The following METRN variants were observed in gnomAD, a reference collection of about 807,000 sequenced individuals.
METRN encodes meteorin, glial cell differentiation regulator.
METRN carries 17 observed loss-of-function variants against 17.4 expected under a neutral mutation model. That is an observed-to-expected ratio of 0.98 (90% CI 0.67 to 1.46). The LOEUF (loss-of-function observed/expected upper bound fraction) is 1.46. METRN is among the 40% of genes most tolerant of loss of function. The pLI is 0.00. For missense variants in METRN, 489 were observed against 456.2 expected (o/e 1.07, Z -0.65); for synonymous variants, 230 against 210.8 (o/e 1.09, Z -0.79).
In METRN at chr16:715,263, G is replaced by A; in HGVS notation, c.-27G>A. ...CCGGGGCAGCGGTGGTGAGAGCCCC[G>A]ACTCCCCGGACGCCGCCCGCCGTGC... On this transcript the variant is annotated 5_prime_UTR_variant, in exon 1 of 4. Coordinates refer to ENST00000568223, the MANE Select transcript of METRN (RefSeq NM_024042.4). 3 of 1,259,458 alleles carry A rather than the reference G, an allele frequency of 2.4e-6. No individual in the cohort carries two copies. The highest frequency in any genetic ancestry group is 3.8e-5 in the Admixed American group (1 of 26,240). The allele number at this position is 1,259,458 out of a possible 1,614,324, so 78.0% of individuals were successfully genotyped here.
Position 717,246 on chromosome 16 carries a change from C to T in METRN, c.741C>T (p.Gly247=), listed in dbSNP as rs375302696. Residue 247 remains glycine, a synonymous_variant, in exon 4 of 4, where the codon GGC becomes GGT. Transcript: ENST00000568223. ...RTPLRCGVHP[G]PGTFLFMGWS... ...CACTGCGCTGTGGCGTCCACCCGGG[C>T]CCAGGCACCTTCCTCTTCATGGGCT... is the stretch of plus-strand genomic sequence containing the variant. The T allele has an allele frequency of 1.7e-5, 26 of 1,572,616 alleles. 1 individual carries two copies. In the African/African-American group the frequency reaches 3.2e-4, roughly 20 times the overall value.
chr16:715,959 G>A lies in METRN; in HGVS notation c.480G>A (p.Pro160=). ...AGGACGGGCGCCCCGAGCTGCCCCC[G>A]CAGGCCCACGGTCTCGGCGTAGACG... ...LREDGRPELP[P]QAHGLGVDGA... Residue 160 remains proline, a synonymous_variant, in exon 2 of 4, where the codon CCG becomes CCA. Coordinates refer to ENST00000568223, the MANE Select transcript of METRN (RefSeq NM_024042.4). 1 of 1,493,216 alleles carries A rather than the reference G, an allele frequency of 6.7e-7. No individual in the cohort carries two copies. The highest frequency in any genetic ancestry group is 2.8e-5 in the East Asian group (1 of 35,368). 92.5% of individuals were successfully genotyped at this position (1,493,216 alleles called of 1,614,324 possible).
chr16:718,889 A>T lies in METRN; in HGVS notation c.*1502A>T, dbSNP rs2040183049. ...CACTTTTTCATCTTCAGCCCTGACC[A>T]CTCCCTGGGGCCCATAGCCTTACAT... On this transcript the variant is annotated 3_prime_UTR_variant, in exon 4 of 4. Coordinates refer to ENST00000568223, the MANE Select transcript of METRN (RefSeq NM_024042.4). 1 of 151,928 alleles carries T rather than the reference A, an allele frequency of 6.6e-6. No homozygotes were observed. The highest frequency in any genetic ancestry group is 2.4e-5 in the African/African-American group (1 of 41,230). 9.4% of individuals were successfully genotyped at this position (151,928 alleles called of 1,614,324 possible).
In METRN at chr16:715,276, C is replaced by A; in HGVS notation, c.-14C>A. The A allele has an allele frequency of 7.7e-7, 1 of 1,300,022 alleles. No homozygotes were observed. The highest frequency in any genetic ancestry group is 2.0e-5 in the South Asian group (1 of 51,222). The allele number at this position is 1,300,022 out of a possible 1,614,324, so 80.5% of individuals were successfully genotyped here. ...GGTGAGAGCCCCGACTCCCCGGACGCCGCCCGCCGTGCCATGGGGTTCCCG... is the reference window on the plus strand; with the variant it reads ...GGTGAGAGCCCCGACTCCCCGGACGACGCCCGCCGTGCCATGGGGTTCCCG... On this transcript the variant is annotated 5_prime_UTR_variant, in exon 1 of 4. Coordinates refer to ENST00000568223, the MANE Select transcript of METRN (RefSeq NM_024042.4).
At chr16:716,078 A>G (rs66649828) in intron 2 of METRN, 94 bp downstream of exon 2, 362,562 of 1,341,704 alleles carry the variant, frequency 0.27, 59,591 homozygotes, top group African/African-American at 0.61. Context: ...CCACTGCAGA[A>G]GGAAAAAGTG....
Position 717,332 on chromosome 16 carries a change from CCTA to C in METRN, c.829_831del (p.Tyr277del). 1 of 1,492,334 alleles carries C rather than the reference CCTA, an allele frequency of 6.7e-7. No homozygotes were observed. The highest frequency in any genetic ancestry group is 8.9e-7 in the Non-Finnish European group (1 of 1,121,672). 92.4% of individuals were successfully genotyped at this position (1,492,334 alleles called of 1,614,324 possible). ...CCACGATTCCAGGAGTTCCGCCGTG[CCTA>C]CGAGGCTGCCCGTGCTGCCCACCTC... On this transcript the variant is annotated inframe_deletion, in exon 4 of 4. Transcript: ENST00000568223.
At chr16:716,303 G>C in intron 2 of METRN, 1 of 1,387,450 alleles carries the variant, frequency 7.2e-7, no homozygotes, top group Non-Finnish European at 9.3e-7. Context: ...TCCGGCCAAA[G>C]CTGTCCGGGG....
intron 1 of METRN, 36 bp from the exon 2 acceptor site, chr16:715,547 GC>G: frequency 7.7e-7 from 1 of 1,293,122 alleles, no homozygotes; most frequent in South Asian, 2.2e-5. Context: ...GCGGGGACCC[GC>G]CCCCGTCTCA....
intron 2 of METRN, chr16:716,378 G>A: frequency 7.0e-7 from 1 of 1,425,122 alleles, no homozygotes; most frequent in Non-Finnish European, 9.1e-7. Context: ...CCAGTGTGCA[G>A]CCCGGTCACC....
chr16:715,457 C>G, intron 1 of METRN, 64 bp downstream of exon 1: 2 of 1,258,126 alleles, frequency 1.6e-6, no homozygotes, highest in East Asian at 3.2e-5. Context: ...ACCCCCCAGG[C>G]GCCCCTCGGA....
At position 718,299 on chromosome 16, in the gene METRN, C is replaced by T. The variant is rs1371137497; in HGVS notation, c.*912C>T. The T allele has an allele frequency of 6.6e-6, 1 of 152,288 alleles. No homozygotes were observed. The highest frequency in any genetic ancestry group is 2.4e-5 in the African/African-American group (1 of 41,458). 9.4% of individuals were successfully genotyped at this position (152,288 alleles called of 1,614,324 possible). On this transcript the variant is annotated 3_prime_UTR_variant, in exon 4 of 4. Transcript: ENST00000568223. ...GTGGGGGTGTTCCAGGACACCTGGC[C>T]CTGTGTGAGCTGCCTCCTCTCACCC...
intron 2 of METRN, chr16:716,285 T>C: frequency 7.3e-7 from 1 of 1,377,272 alleles, no homozygotes; most frequent in Non-Finnish European, 9.3e-7. Flanking sequence ...GGGGACAGAA[T>C]CGAAGCCTCC....
chr16:715,819 G>A lies in METRN; in HGVS notation c.340G>A (p.Ala114Thr), dbSNP rs2040156455. Residue 114 changes from alanine to threonine, a missense_variant, in exon 2 of 4, where the codon GCA becomes ACA. Transcript: ENST00000568223. ...ELLLAEGPGP[A>T]GGRCVRWGPR... ...GCTGCTGGCCGAGGGCCCGGGCCCG[G>A]CAGGGGGCCGCTGCGTGCGCTGGGG... The A allele has an allele frequency of 2.4e-6, 3 of 1,269,754 alleles. No individual in the cohort carries two copies. The highest frequency in any genetic ancestry group is 9.9e-7 in the Non-Finnish European group (1 of 1,010,784). 78.7% of individuals were successfully genotyped at this position (1,269,754 alleles called of 1,614,324 possible).
In METRN at chr16:719,311, A is replaced by G. The variant is rs2151528483; in HGVS notation, c.*1924A>G. The stretch of plus-strand genomic sequence containing the variant: ...CTTGGAGCATTAGACCAGGGGCTTC[A>G]TGCCTGCCCTGGGGACAGGTGGCCA... On this transcript the variant is annotated 3_prime_UTR_variant, in exon 4 of 4. Transcript: ENST00000568223. 1.3e-5 allele frequency: 2 copies of G among 152,428 alleles called. No individual in the cohort carries two copies. Among genetic ancestry groups the G allele is most frequent in the Non-Finnish European group, 2.9e-5 (2 of 68,092 alleles). 9.4% of individuals were successfully genotyped at this position (152,428 alleles called of 1,614,324 possible).
rs1337263827 is a variant in METRN at position 715,314 on chromosome 16, C to A, written c.25C>A (p.Leu9Ile). ...CATGGGGTTCCCGGCCGCGGCGCTG[C>A]TCTGCGCGCTGTGCTGCGGCCTCCT... Reference protein sequence around the residue: MGFPAAALLCALCCGLLAP... With the variant: MGFPAAALICALCCGLLAP... The change falls in exon 1 of 4, where the codon CTC becomes ATC. Residue 9 changes from leucine (L) to isoleucine (I), a missense_variant. By Grantham distance (5) the Leu-to-Ile change is conservative (BLOSUM62 2). Transcript: ENST00000568223. The A allele has an allele frequency of 7.4e-7, 1 of 1,350,262 alleles. No homozygotes were observed. The highest frequency in any genetic ancestry group is 9.5e-7 in the Non-Finnish European group (1 of 1,051,098). The allele number at this position is 1,350,262 out of a possible 1,614,324, so 83.6% of individuals were successfully genotyped here.
intron 2 of METRN, 44 bp downstream of exon 2, chr16:716,028 T>C (rs746162621): frequency 1.4e-6 from 2 of 1,401,034 alleles, no homozygotes; most frequent in Non-Finnish European, 1.9e-6. Context: ...TCCCGAAGTC[T>C]TACCCTGCCT....
Position 715,129 on chromosome 16 carries a change from G to T in METRN, c.-161G>T, listed in dbSNP as rs1323136047. 6.2e-6 allele frequency: 1 copy of T among 160,184 alleles called. No homozygotes were observed. The highest frequency in any genetic ancestry group is 1.3e-5 in the Non-Finnish European group (1 of 77,036). The allele number at this position is 160,184 out of a possible 1,614,324, so 9.9% of individuals were successfully genotyped here. On this transcript the variant is annotated 5_prime_UTR_variant, in exon 1 of 4. Coordinates refer to ENST00000568223, the MANE Select transcript of METRN (RefSeq NM_024042.4). ...TCCCGACCCGCTCCAAGGCGGCCCC[G>T]GCGCTGGGGCTGCGCGGCAGGCGGA...
rs1206207297 is a variant in METRN, at chr16:715,261, C to A, written c.-29C>A. 8.0e-7 allele frequency: 1 copy of A among 1,251,836 alleles called. No homozygotes were observed. Among genetic ancestry groups the A allele is most frequent in the Admixed American group, 3.8e-5 (1 of 26,020 alleles). The allele number at this position is 1,251,836 out of a possible 1,614,324, so 77.5% of individuals were successfully genotyped here. A position where few individuals can be genotyped will look rare whatever the true frequency, so the allele number is the denominator to read the frequency against. ...CGCCGGGGCAGCGGTGGTGAGAGCC[C>A]CGACTCCCCGGACGCCGCCCGCCGT... On this transcript the variant is annotated 5_prime_UTR_variant, in exon 1 of 4. Coordinates refer to ENST00000568223, the MANE Select transcript of METRN (RefSeq NM_024042.4).
Position 717,671 on chromosome 16 carries a change from C to A in METRN, c.*284C>A. 1 of 373,202 alleles carries A rather than the reference C, an allele frequency of 2.7e-6. No homozygotes were observed. Among genetic ancestry groups the A allele is most frequent in the Non-Finnish European group, 4.8e-6 (1 of 209,738 alleles). The allele number at this position is 373,202 out of a possible 1,614,324, so 23.1% of individuals were successfully genotyped here. A position where few individuals can be genotyped will look rare whatever the true frequency, so the allele number is the denominator to read the frequency against. On this transcript the variant is annotated 3_prime_UTR_variant, in exon 4 of 4. Transcript: ENST00000568223. ...GCTACACCCACATTCCGGGGAGGGG[C>A]CGCTGCTGGGTGGGGGGCACGTGGG...
Sources: gnomAD v4.1 joint callset for allele counts on GRCh38, gnomAD v4.1.1 for gene constraint, MANE v1.5 for transcripts, NCBI Gene and HGNC (gene_info 2026-07-23, HGNC 2026-07-21) for gene names.